The following CECR2 variants were observed in gnomAD, a reference collection of about 807,000 sequenced individuals.
The protein encoded by CECR2 is chromatin remodeling regulator CECR2.
A neutral mutation model predicts 154.5 loss-of-function variants in CECR2; 30 were observed. The ratio of observed to expected loss-of-function variants is 0.19; its 90% CI spans 0.15 to 0.26. The LOEUF (loss-of-function observed/expected upper bound fraction) is 0.26. Among genes scored for constraint, CECR2 ranks in the 10% least tolerant of loss-of-function variants. The pLI is 1.00. For synonymous variants in CECR2, 725 were observed against 683.7 expected, an observed-to-expected ratio of 1.06 and a Z score of -0.94; for missense variants, 1,743 against 1,829.3, an observed-to-expected ratio of 0.95 and a Z score of 0.86.
At chr22:17,505,757 A>G (rs987910791) in intron 7 of CECR2, among the ~76,000 whole-genome samples, 2 of 150,026 alleles carry the variant, frequency 1.3e-5, no homozygotes, top group African/African-American at 2.5e-5. Flanking sequence ...AGGCTGGTCT[A>G]GAACTCCTGA....
At position 17,499,456 on chromosome 22, in the gene CECR2, A is replaced by G. The variant is rs760380592; in HGVS notation, c.452A>G (p.Asn151Ser). 7 of 1,613,836 alleles carry G rather than the reference A, an allele frequency of 4.3e-6. No individual in the cohort carries two copies. Among genetic ancestry groups the G allele is most frequent in the South Asian group, 2.2e-5 (2 of 91,076 alleles). Residue 151 changes from asparagine (N) to serine (S), a missense_variant, in exon 4 of 19, where the codon AAT becomes AGT. Physicochemically the swap from Asn to Ser is conservative, Grantham distance 46. Coordinates refer to ENST00000262608, the MANE Select transcript of CECR2 (RefSeq NM_001290047.2). The part of the protein sequence containing the change: ...SLRVEPLGED[N>S]SGALYWYFYG... ...CGTGTGGAGCCATTGGGTGAAGACA[A>G]TTCTGGGGCACTATATTGGTATTTC... is the stretch of plus-strand genomic sequence containing the variant.
chr22:17,365,420 C>T (rs540662234), upstream of CECR2, among the ~76,000 whole-genome samples: 1 of 152,190 alleles, frequency 6.6e-6, no homozygotes, highest in Non-Finnish European at 1.5e-5. Context: ...TTAGGCCAGA[C>T]TCAGTGGCTC....
chr22:17,516,306 GTATATA>G (rs200970065), intron 8 of CECR2, among the ~76,000 whole-genome samples: 1 of 151,738 alleles, frequency 6.6e-6, no homozygotes, highest in African/African-American at 2.4e-5. Context: ...CATTTTATAT[GTATATA>G]TACATATATA....
chr22:17,512,044 A>G, intron 8 of CECR2, 148 bp downstream of exon 8: 1 of 632,806 alleles, frequency 1.6e-6, no homozygotes, highest in Non-Finnish European at 2.7e-6. Flanking sequence ...CTTAAGATAC[A>G]TTTCTAGAAA....
At chr22:17,495,131 C>A (rs993971209) in intron 2 of CECR2, among the ~76,000 whole-genome samples, 3 of 152,160 alleles carry the variant, frequency 2.0e-5, no homozygotes, top group South Asian at 2.1e-4. Context: ...CCAATAACTT[C>A]TTTAGGCCTC....
rs145203291 is a variant in CECR2 at position 17,474,650 on chromosome 22, A to G, written c.127-2938A>G. Among the ~76,000 whole-genome samples the G allele has an allele frequency of 4.3e-4, 66 of 152,372 alleles. 1 individual carries two copies. The East Asian group carries it at 0.012, about 28-fold the overall frequency. On this transcript the variant is annotated intron_variant, in intron 1 of 18. Transcript: ENST00000262608. ...GGCCATGATAAAGGCGGAAGCCAGA[A>G]GAGGATGTCTGTGTGCCGAAGGCGG...
chr22:17,420,944 G>A (rs974271021), intron 1 of CECR2, among the ~76,000 whole-genome samples: 24 of 152,234 alleles, frequency 1.6e-4, no homozygotes, highest in African/African-American at 4.8e-4. Context: ...TGAGGACCTC[G>A]TAATAACTAT....
chr22:17,458,512 GT>G (rs369135893), intron 1 of CECR2, among the ~76,000 whole-genome samples: 3,865 of 148,566 alleles, frequency 0.026, 89 homozygotes, highest in South Asian at 0.13. Flanking sequence ...GCCATTGTGA[GT>G]TTTTTTTTTC....
intron 7 of CECR2, among the ~76,000 whole-genome samples, chr22:17,508,347 C>T (rs143971768): frequency 4.6e-4 from 70 of 152,006 alleles, no homozygotes; most frequent in African/African-American, 1.7e-3. Flanking sequence ...GCCAGTCCTG[C>T]AAGCTCCATT....
At chr22:17,370,286 G>A (rs2063039964) in intron 1 of CECR2, among the ~76,000 whole-genome samples, 1 of 149,762 alleles carries the variant, frequency 6.7e-6, no homozygotes, top group Admixed American at 6.6e-5. Flanking sequence ...GTGCCATTGA[G>A]GCGCGAGCCA....
chr22:17,421,639 A>C (rs1036989077), intron 1 of CECR2, among the ~76,000 whole-genome samples: 3 of 143,904 alleles, frequency 2.1e-5, no homozygotes, highest in Non-Finnish European at 4.5e-5. Flanking sequence ...AAAAAAAAAA[A>C]AAAATTAGCC....
intron 8 of CECR2, 65 bp from the exon 9 acceptor site, chr22:17,524,053 T>G (rs1466271829): frequency 1.1e-5 from 14 of 1,274,974 alleles, no homozygotes; most frequent in Admixed American, 2.3e-5. Context: ...TTCAATGAAC[T>G]GAGAGCAAAG....
chr22:17,498,391 TA>T (rs11376543), intron 3 of CECR2, among the ~76,000 whole-genome samples: 42 of 145,738 alleles, frequency 2.9e-4, no homozygotes, highest in Non-Finnish European at 2.7e-4. Context: ...ACTCCGTCTT[TA>T]AAAAAAAAAA....
Position 17,451,562 on chromosome 22 carries a change from G to A in CECR2, c.127-26026G>A, listed in dbSNP as rs116988763. ...TTCTTTTCTTTTCTCAGTTCCATGG[G>A]GCTTGCTCCATTCCAACCTCACAGG... is the stretch of plus-strand genomic sequence containing the variant. On this transcript the variant is annotated intron_variant, in intron 1 of 18. Coordinates refer to ENST00000262608, the MANE Select transcript of CECR2 (RefSeq NM_001290047.2). Among the ~76,000 whole-genome samples, 1,268 of 152,120 alleles carry A rather than the reference G, an allele frequency of 8.3e-3. 72 individuals are homozygous for A. The East Asian group carries it at 0.15, about 18-fold the overall frequency.
At position 17,556,576 on chromosome 22, in the gene CECR2, T is replaced by C. The variant is rs543446506; in HGVS notation, c.*3736T>C. ...TTCTTGGTTCAATTTTTTTTTTTAA[T>C]GGACATTCAAATCTGTAAATACTAC... is the stretch of plus-strand genomic sequence containing the variant. On this transcript the variant is annotated 3_prime_UTR_variant, in exon 19 of 19. Coordinates refer to ENST00000262608, the MANE Select transcript of CECR2 (RefSeq NM_001290047.2). 37 of 152,292 alleles carry C rather than the reference T, an allele frequency of 2.4e-4. No individual in the cohort carries two copies. Among genetic ancestry groups the C allele is most frequent in the East Asian group, 9.6e-4 (5 of 5,190 alleles). 9.4% of individuals were successfully genotyped at this position (152,292 alleles called of 1,614,324 possible).
chr22:17,464,427 CCAATT>C (rs2054992570), intron 1 of CECR2, among the ~76,000 whole-genome samples: 4 of 152,008 alleles, frequency 2.6e-5, no homozygotes, highest in African/African-American at 9.7e-5. Context: ...CTGTCTTGGC[CCAATT>C]CAGTTAATAT....
intron 8 of CECR2, among the ~76,000 whole-genome samples, chr22:17,520,893 A>G (rs1195200633): frequency 2.6e-5 from 4 of 152,322 alleles, no homozygotes; most frequent in South Asian, 2.1e-4. Flanking sequence ...TAGCGCCGCA[A>G]TAAACATACG....
intron 6 of CECR2, 31 bp downstream of exon 6, chr22:17,503,162 T>C (rs1296566807): frequency 1.3e-6 from 2 of 1,587,098 alleles, no homozygotes; most frequent in East Asian, 4.5e-5. Flanking sequence ...TTAGAAAGAA[T>C]TAAATAAATA....
intron 1 of CECR2, among the ~76,000 whole-genome samples, chr22:17,413,865 GAC>G: frequency 6.8e-6 from 1 of 146,974 alleles, no homozygotes; most frequent in Middle Eastern, 3.8e-3. Flanking sequence ...TTTTAGTAGA[GAC>G]AGGGTTTCAC....
Sources: gnomAD v4.1 joint callset for allele counts (sites outside exome capture counted in the v4.1 genomes callset) on GRCh38, gnomAD v4.1.1 for gene constraint, MANE v1.5 for transcripts, NCBI Gene and HGNC (gene_info 2026-07-23, HGNC 2026-07-21) for gene names.